Variants in COMMD1 observed in about 807,000 individuals in gnomAD.
COMMD1 encodes copper metabolism domain containing 1.
Under a neutral mutation model 17.2 loss-of-function variants are expected in COMMD1, and 10 were observed. That is an observed-to-expected ratio of 0.58 (90% CI 0.36 to 0.99). The LOEUF is 0.99. Among genes scored for constraint, COMMD1 ranks in the 50% least tolerant of loss-of-function variants. The pLI is 0.01. For synonymous variants in COMMD1, 97 were observed against 91.6 expected (o/e 1.06, Z -0.34); for missense variants, 270 against 231.8 (o/e 1.17, Z -1.07).
intron 2 of COMMD1, among the ~76,000 whole-genome samples, chr2:62,033,694 T>C (rs756185161): frequency 3.3e-5 from 5 of 152,210 alleles, no homozygotes; most frequent in Non-Finnish European, 5.9e-5. Context: ...AGTTGTTAAA[T>C]TTGAACTCCA....
chr2:62,030,046 G>C (rs1669871453), intron 2 of COMMD1, among the ~76,000 whole-genome samples: 1 of 152,248 alleles, frequency 6.6e-6, no homozygotes, highest in Admixed American at 6.5e-5. Flanking sequence ...TGGACAAAAA[G>C]AGTATGATCT....
At chr2:62,112,700 G>T (rs1672488297) in intron 2 of COMMD1, among the ~76,000 whole-genome samples, 1 of 152,010 alleles carries the variant, frequency 6.6e-6, no homozygotes, top group African/African-American at 2.4e-5. Context: ...TTTTAGATTT[G>T]GAAGCCAAGA....
chr2:62,082,497 C>T (rs1052852680), intron 2 of COMMD1, among the ~76,000 whole-genome samples: 3 of 152,128 alleles, frequency 2.0e-5, no homozygotes, highest in African/African-American at 7.2e-5. Context: ...GCTCTCCCAG[C>T]GACGTTGGAA....
In COMMD1 at chr2:61,920,905, G is replaced by A. The variant is rs184506802; in HGVS notation, c.180+15047G>A. Reference sequence around the variant, plus strand: ...TATATATATATAAATGTGTGTGTGTGTATATATATGTATGTGTATATGTAT... The same window carrying A: ...TATATATATATAAATGTGTGTGTGTATATATATATGTATGTGTATATGTAT... On this transcript the variant is annotated intron_variant, in intron 1 of 2. Transcript: ENST00000311832. Among the ~76,000 whole-genome samples, 79 of 149,398 alleles carry A rather than the reference G, an allele frequency of 5.3e-4. No homozygotes were observed. In the East Asian group the frequency reaches 0.014, roughly 27 times the overall value.
intron 2 of COMMD1, among the ~76,000 whole-genome samples, chr2:62,098,893 T>C (rs1478186340): frequency 6.6e-6 from 1 of 152,218 alleles, no homozygotes; most frequent in Non-Finnish European, 1.5e-5. Context: ...CCCTGGATCA[T>C]AAGTCTTAAG....
intron 2 of COMMD1, among the ~76,000 whole-genome samples, chr2:62,016,985 GATAAGTTGTAAATTT>G: frequency 6.6e-6 from 1 of 152,264 alleles, no homozygotes; most frequent in South Asian, 2.1e-4. Context: ...ACTTGAAGCT[GATAAGTTGTAAATTT>G]ATCATGTTTC....
At chr2:61,931,337 G>A (rs779459339) in intron 1 of COMMD1, among the ~76,000 whole-genome samples, 5 of 151,976 alleles carry the variant, frequency 3.3e-5, no homozygotes, top group Non-Finnish European at 5.9e-5. Context: ...AATAAAATAA[G>A]GGAGGGTAAT....
intron 2 of COMMD1, among the ~76,000 whole-genome samples, chr2:62,095,463 T>C (rs2104007882): frequency 6.6e-6 from 1 of 152,250 alleles, no homozygotes; most frequent in East Asian, 1.9e-4. Context: ...TACCATGTTA[T>C]CAAGTCACTT....
intron 1 of COMMD1, among the ~76,000 whole-genome samples, chr2:61,962,377 G>A (rs1318732058): frequency 1.3e-5 from 2 of 152,090 alleles, no homozygotes; most frequent in African/African-American, 2.4e-5. Flanking sequence ...TTGACACTAG[G>A]CCCCTCAGAT....
intron 2 of COMMD1, among the ~76,000 whole-genome samples, chr2:62,022,490 G>GT (rs2103858276): frequency 7.5e-6 from 1 of 133,712 alleles, no homozygotes; most frequent in East Asian, 2.2e-4. Context: ...CGAGGCCAGT[G>GT]TATGTTGAGG....
chr2:62,067,516 C>T (rs1671086716), intron 2 of COMMD1, among the ~76,000 whole-genome samples: 1 of 152,088 alleles, frequency 6.6e-6, no homozygotes, highest in Non-Finnish European at 1.5e-5. Context: ...GACAGAGTAA[C>T]AAGAGAAAAG....
chr2:62,092,443 G>A (rs553276188), intron 2 of COMMD1, among the ~76,000 whole-genome samples: 2 of 152,296 alleles, frequency 1.3e-5, no homozygotes, highest in African/African-American at 4.8e-5. Flanking sequence ...TCAGAGACTG[G>A]TTCAGAAGTC....
intron 2 of COMMD1, among the ~76,000 whole-genome samples, chr2:62,082,147 G>A (rs1359457993): frequency 6.6e-6 from 1 of 152,152 alleles, no homozygotes; most frequent in Non-Finnish European, 1.5e-5. Context: ...CACCTGAAAA[G>A]TGACCAAATT....
intron 1 of COMMD1, among the ~76,000 whole-genome samples, chr2:61,936,673 A>G (rs1052000940): frequency 6.6e-6 from 1 of 152,124 alleles, no homozygotes; most frequent in Non-Finnish European, 1.5e-5. Context: ...GGCTCAAGCG[A>G]TCCTCCTGCC....
intron 2 of COMMD1, among the ~76,000 whole-genome samples, chr2:62,038,046 T>A (rs1670086006): frequency 6.6e-6 from 1 of 152,160 alleles, no homozygotes; most frequent in Admixed American, 6.5e-5. Context: ...CCCAGCACTT[T>A]GAGAGGCCGA....
At chr2:61,974,375 C>T (rs1235477786) in intron 1 of COMMD1, among the ~76,000 whole-genome samples, 5 of 151,150 alleles carry the variant, frequency 3.3e-5, no homozygotes, top group Non-Finnish European at 7.4e-5. Flanking sequence ...CATGTTTTAT[C>T]TATTAATATT....
intron 2 of COMMD1, among the ~76,000 whole-genome samples, chr2:62,021,345 G>A (rs886374171): frequency 3.3e-5 from 5 of 152,286 alleles, no homozygotes; most frequent in Middle Eastern, 3.4e-3. Flanking sequence ...TTACAGTGGT[G>A]TAGACTTGGC....
At chr2:61,922,652 G>T (rs1385118569) in intron 1 of COMMD1, among the ~76,000 whole-genome samples, 1 of 152,086 alleles carries the variant, frequency 6.6e-6, no homozygotes, top group Non-Finnish European at 1.5e-5. Context: ...AATTTGCGAG[G>T]TTTATTTCTT....
intron 2 of COMMD1, chr2:62,084,794 T>G (rs530530338): frequency 1.3e-5 from 2 of 152,332 alleles, no homozygotes; most frequent in East Asian, 3.9e-4. Context: ...GGCCTACATC[T>G]AGATTAAACA....
Sources: allele counts gnomAD v4.1 joint callset (sites outside exome capture counted in the v4.1 genomes callset), GRCh38; gene constraint gnomAD v4.1.1; transcripts MANE v1.5; gene names NCBI Gene and HGNC (gene_info 2026-07-23, HGNC 2026-07-21).